The following PLEKHA6 variants were observed in gnomAD, a reference collection of about 807,000 sequenced individuals.
The protein encoded by PLEKHA6 is pleckstrin homology domain-containing family A member 6.
PLEKHA6 carries 60 observed loss-of-function variants against 116.7 expected under a neutral mutation model. The ratio of observed to expected loss-of-function variants is 0.51; its 90% CI spans 0.42 to 0.64. The LOEUF (loss-of-function observed/expected upper bound fraction) is 0.64, where lower values mean the gene tolerates loss of function less well. PLEKHA6 is among the 30% of genes least tolerant of loss of function. The pLI is 0.00. For synonymous variants in PLEKHA6, 489 were observed against 556.1 expected (o/e 0.88, Z 1.70); for missense variants, 1,338 against 1,422.7 (o/e 0.94, Z 0.96).
At chr1:204,297,440 T>C (rs1670391814) in intron 1 of PLEKHA6, among the ~76,000 whole-genome samples, 1 of 152,174 alleles carries the variant, frequency 6.6e-6, no homozygotes, top group South Asian at 2.1e-4. Flanking sequence ...GGCAGTCTTT[T>C]CTCCTGTTCA....
chr1:204,325,987 C>A, intron 1 of PLEKHA6: 7 of 763,884 alleles, frequency 9.2e-6, no homozygotes, highest in Non-Finnish European at 1.1e-5. Context: ...CCACAGCAAG[C>A]CCCATTCCTC....
intron 9 of PLEKHA6, among the ~76,000 whole-genome samples, chr1:204,252,180 G>T (rs976736007): frequency 2.0e-5 from 3 of 148,198 alleles, no homozygotes; most frequent in Non-Finnish European, 3.0e-5. Context: ...TGAGGATCTC[G>T]GATGACGCTA....
chr1:204,320,753 G>T (rs928977813), intron 1 of PLEKHA6, among the ~76,000 whole-genome samples: 5 of 152,208 alleles, frequency 3.3e-5, no homozygotes, highest in African/African-American at 1.2e-4. Context: ...CACTGGGCTG[G>T]CCTGCAGCAC....
chr1:204,264,551 C>A (rs1334925354), intron 6 of PLEKHA6, among the ~76,000 whole-genome samples: 1 of 152,100 alleles, frequency 6.6e-6, no homozygotes, highest in Non-Finnish European at 1.5e-5. Flanking sequence ...CAGAACCCAC[C>A]AGCCACAGCT....
At chr1:204,280,102 T>C (rs1668439951) in intron 1 of PLEKHA6, among the ~76,000 whole-genome samples, 1 of 152,058 alleles carries the variant, frequency 6.6e-6, no homozygotes, top group Non-Finnish European at 1.5e-5. Flanking sequence ...AGCGATAAAT[T>C]ACAAAGAAAA....
At chr1:204,320,244 T>C (rs1256660641) in intron 1 of PLEKHA6, among the ~76,000 whole-genome samples, 1 of 152,102 alleles carries the variant, frequency 6.6e-6, no homozygotes, top group Non-Finnish European at 1.5e-5. Context: ...TCTTGGGTGA[T>C]GGAAGTGGAT....
chr1:204,257,806 C>T lies in PLEKHA6; in HGVS notation c.1071G>A (p.Gln357=), dbSNP rs1298172019. 1.9e-6 allele frequency: 3 copies of T among 1,613,998 alleles called. No individual in the cohort carries two copies. Among genetic ancestry groups the T allele is most frequent in the Non-Finnish European group, 2.5e-6 (3 of 1,179,964 alleles). Residue 357 remains glutamine, a synonymous_variant, in exon 9 of 23, where the codon CAG becomes CAA. Transcript: ENST00000272203. This position sits in a 1 kb window ranked among gnomAD's most constrained non-coding sequence, Gnocchi z 6.5. ...VPEYYGPYSS[Q]YPDDYQYYPP... ...GGTAGTACTGATAATCATCGGGGTA[C>T]TGGGAGGAGTAGGGGCCATAGTACT...
rs760444582 is a variant in PLEKHA6 at position 204,273,737 on chromosome 1, C to T, written c.-10G>A. 10 of 1,604,892 alleles carry T rather than the reference C, an allele frequency of 6.2e-6. No individual in the cohort carries two copies. Among genetic ancestry groups the T allele is most frequent in the African/African-American group, 1.3e-5 (1 of 74,726 alleles). ...CTGTTTTATTGGACATGTCCAAGGTCGATCTGATTTCAAGTCGACCAGAGA... is the reference window on the plus strand; with the variant it reads ...CTGTTTTATTGGACATGTCCAAGGTTGATCTGATTTCAAGTCGACCAGAGA... On this transcript the variant is annotated 5_prime_UTR_variant, in exon 3 of 23. Coordinates refer to ENST00000272203, the MANE Select transcript of PLEKHA6 (RefSeq NM_014935.5).
At chr1:204,309,643 A>T in intron 1 of PLEKHA6, 1 of 688,804 alleles carries the variant, frequency 1.5e-6, no homozygotes, top group Non-Finnish European at 1.8e-6. Flanking sequence ...TGCACTTCTC[A>T]GAATGTAGCC....
intron 1 of PLEKHA6, among the ~76,000 whole-genome samples, chr1:204,374,187 C>T (rs537892139): frequency 3.3e-5 from 5 of 152,298 alleles, no homozygotes; most frequent in East Asian, 1.9e-4. Flanking sequence ...TCTGGGACAA[C>T]GCAGTCACAG....
chr1:204,249,092 C>T, intron 11 of PLEKHA6, 92 bp downstream of exon 11: 3 of 1,476,136 alleles, frequency 2.0e-6, no homozygotes, highest in Non-Finnish European at 2.8e-6. Context: ...CTTGCTTTGT[C>T]ATCTCAGTCA....
rs1673243107 is a variant in PLEKHA6, at chr1:204,350,587, C to T, written c.-95+9107G>A. Among the ~76,000 whole-genome samples the T allele has an allele frequency of 9.2e-5, 14 of 152,182 alleles. 1 individual carries two copies. The highest frequency in any genetic ancestry group is 9.2e-4 in the Admixed American group (14 of 15,288). On this transcript the variant is annotated intron_variant, in intron 1 of 22. Coordinates refer to ENST00000272203, the MANE Select transcript of PLEKHA6 (RefSeq NM_014935.5). ...CACTATGGAAGGAGAGGAAGGAACC[C>T]ACCGCTGACGGTGCCAGGCACTGCT...
chr1:204,244,884 TG>T lies in PLEKHA6; in HGVS notation c.2151del (p.Thr718ProfsTer40). 1 of 1,560,720 alleles carries T rather than the reference TG, an allele frequency of 6.4e-7. No homozygotes were observed. The highest frequency in any genetic ancestry group is 1.2e-5 in the South Asian group (1 of 84,872). ...FSLVSGSQGS[P>X]TKPGSNEPKA... ...CTTACCTCGTTGGAGCCAGGCTTGGTGGGGGACCCCTGAGAGCCCGACACCA... is the reference window on the plus strand; with the variant it reads ...CTTACCTCGTTGGAGCCAGGCTTGGTGGGGACCCCTGAGAGCCCGACACCA... On this transcript the variant is annotated frameshift_variant, in exon 15 of 23. Transcript: ENST00000272203. LOFTEE classifies it high-confidence loss of function.
chr1:204,376,989 A>C lies in PLEKHA6; in HGVS notation c.83+594T>G, dbSNP rs1673881525. On this transcript the variant is annotated intron_variant, in intron 1 of 4. Coordinates refer to the PLEKHA6 transcript ENST00000564627. ...ATTAATATAACAGTGCTAATATATTACTGAGAGTAGCAAAGGCGCGCTCTC... is the reference window on the plus strand; with the variant it reads ...ATTAATATAACAGTGCTAATATATTCCTGAGAGTAGCAAAGGCGCGCTCTC... 3.3e-5 allele frequency among the ~76,000 whole-genome samples: 5 copies of C among 152,202 alleles called. No homozygotes were observed. The South Asian group carries it at 1.0e-3, about 32-fold the overall frequency.
chr1:204,355,641 T>C (rs557647990), intron 1 of PLEKHA6, among the ~76,000 whole-genome samples: 1 of 151,818 alleles, frequency 6.6e-6, no homozygotes, highest in Non-Finnish European at 1.5e-5. Flanking sequence ...GGTTTCACCA[T>C]GTTGACCAGG....
At position 204,223,546 on chromosome 1, in the gene PLEKHA6, G is replaced by T. The variant is rs1223808255; in HGVS notation, c.3071C>A (p.Ser1024Tyr). The part of the protein sequence containing the change: ...ATPSPPTSPA[S>Y]PAPPANPLSS... ...CAGGGGGTTTGCTGGAGGAGCCGGGGAAGCAGGGGAGGTGGGAGGGCTTGG... is the reference window on the plus strand; with the variant it reads ...CAGGGGGTTTGCTGGAGGAGCCGGGTAAGCAGGGGAGGTGGGAGGGCTTGG... Residue 1024 changes from serine to tyrosine, a missense_variant, in exon 22 of 23, where the codon TCC becomes TAC. By Grantham distance (144) the Ser-to-Tyr change is moderately radical (BLOSUM62 -2). This residue lies in a region of PLEKHA6 where 1,136 missense variants were observed against 1,163.6 expected (regional missense o/e 0.98). Transcript: ENST00000272203. This position sits in a 1 kb window ranked among gnomAD's most constrained non-coding sequence, Gnocchi z 4.8. 2.6e-6 allele frequency: 4 copies of T among 1,542,078 alleles called. No homozygotes were observed. Among genetic ancestry groups the T allele is most frequent in the South Asian group, 2.4e-5 (2 of 83,860 alleles).
In PLEKHA6 at chr1:204,261,889, G is replaced by A. The variant is rs899410954; in HGVS notation, c.382-441C>T. 1.3e-5 allele frequency: 3 copies of A among 227,936 alleles called. No homozygotes were observed. The highest frequency in any genetic ancestry group is 2.3e-5 in the African/African-American group (1 of 44,308). 14.1% of individuals were successfully genotyped at this position (227,936 alleles called of 1,614,324 possible). ...GAGAAGCTAGCACTGTCTCTTCCAC[G>A]TGGAGAGACAGCCAAGCCCCTCTCT... On this transcript the variant is annotated intron_variant, in intron 6 of 22. Coordinates refer to ENST00000272203, the MANE Select transcript of PLEKHA6 (RefSeq NM_014935.5). The surrounding 1 kb of genome is among the most constrained non-coding windows in gnomAD (Gnocchi z 4.0).
At chr1:204,273,586 C>CG in intron 3 of PLEKHA6, 40 bp downstream of exon 3, 1 of 1,326,538 alleles carries the variant, frequency 7.5e-7, no homozygotes, top group Non-Finnish European at 1.1e-6. Flanking sequence ...GCACTGAAGA[C>CG]GTTTCCAGCC....
rs1659389504 is a variant in PLEKHA6 at position 204,219,202 on chromosome 1, T to A, written c.*3586A>T. 6.6e-6 allele frequency: 1 copy of A among 152,378 alleles called. No individual in the cohort carries two copies. The highest frequency in any genetic ancestry group is 1.5e-5 in the Non-Finnish European group (1 of 68,004). The allele number at this position is 152,378 out of a possible 1,614,324, so 9.4% of individuals were successfully genotyped here. A position where few individuals can be genotyped will look rare whatever the true frequency, so the allele number is the denominator to read the frequency against. On this transcript the variant is annotated 3_prime_UTR_variant, in exon 23 of 23. Transcript: ENST00000272203. Reference sequence around the variant, plus strand: ...CTAGCAAATCAAATTGGCCCCAATATGTGCATAAATAGATATACGTGTGTG... The same window carrying A: ...CTAGCAAATCAAATTGGCCCCAATAAGTGCATAAATAGATATACGTGTGTG...
Sources: allele counts gnomAD v4.1 joint callset (sites outside exome capture counted in the v4.1 genomes callset), GRCh38; gene constraint gnomAD v4.1.1; regional missense constraint gnomAD v4.1.1; non-coding constraint Gnocchi (gnomAD v3.1); transcripts MANE v1.5; gene names NCBI Gene and HGNC (gene_info 2026-07-23, HGNC 2026-07-21).